The following TPST1 variants were observed in gnomAD, a reference collection of about 807,000 sequenced individuals.
The protein encoded by TPST1 is protein-tyrosine sulfotransferase 1.
TPST1 carries 20 observed loss-of-function variants against 34.8 expected under a neutral mutation model. That is an observed-to-expected ratio of 0.57 (90% CI 0.40 to 0.84). The LOEUF (loss-of-function observed/expected upper bound fraction) is 0.84, where lower values mean the gene tolerates loss of function less well. TPST1 is among the 40% of genes least tolerant of loss of function. The probability of loss-of-function intolerance (pLI) is 0.00; values close to 1 mark genes in which losing one functional copy is unlikely to be tolerated. For missense variants in TPST1, 353 were observed against 455.5 expected, an observed-to-expected ratio of 0.78 and a Z score of 2.05; for synonymous variants, 152 against 159.4, an observed-to-expected ratio of 0.95 and a Z score of 0.35.
At position 66,274,096 on chromosome 7, in the gene TPST1, C is replaced by T. The variant is rs190108798; in HGVS notation, c.846-12415C>T. Reference sequence around the variant, plus strand: ...AAGAGACCCACCTTCCAGCTGGGCACGGTGGCTGACGCCTGTAATCCCAGC... The same window carrying T: ...AAGAGACCCACCTTCCAGCTGGGCATGGTGGCTGACGCCTGTAATCCCAGC... On this transcript the variant is annotated intron_variant, in intron 2 of 5. Transcript: ENST00000304842. Among the ~76,000 whole-genome samples, 25 of 151,768 alleles carry T rather than the reference C, an allele frequency of 1.6e-4. No homozygotes were observed. In the South Asian group the frequency reaches 1.7e-3, roughly 10 times the overall value.
At chr7:66,217,136 A>G (rs1789439252) in intron 1 of TPST1, among the ~76,000 whole-genome samples, 1 of 152,194 alleles carries the variant, frequency 6.6e-6, no homozygotes, top group African/African-American at 2.4e-5. Context: ...AGAAAGTTCC[A>G]TGTCATTTGA....
chr7:66,264,038 A>G (rs1312844308), intron 2 of TPST1, among the ~76,000 whole-genome samples: 1 of 152,130 alleles, frequency 6.6e-6, no homozygotes, highest in East Asian at 1.9e-4. Context: ...TACTGGAGGG[A>G]GCAGAACAGA....
At position 66,322,231 on chromosome 7, in the gene TPST1, C is replaced by A. The variant is rs183156985; in HGVS notation, c.1045-30274C>A. Among the ~76,000 whole-genome samples, 276 of 152,238 alleles carry A rather than the reference C, an allele frequency of 1.8e-3. 1 individual carries two copies. Among genetic ancestry groups the A allele is most frequent in the African/African-American group, 6.3e-3 (261 of 41,560 alleles). On this transcript the variant is annotated intron_variant, in intron 3 of 5. Coordinates refer to ENST00000304842, the MANE Select transcript of TPST1 (RefSeq NM_003596.4). Reference sequence around the variant, plus strand: ...TCTGTAACCTGCCTGGAATTGATTTCTTTTCATTGTGGTAAGAAACACATG... The same window carrying A: ...TCTGTAACCTGCCTGGAATTGATTTATTTTCATTGTGGTAAGAAACACATG...
At chr7:66,238,405 T>G (rs1789955301) in intron 1 of TPST1, among the ~76,000 whole-genome samples, 1 of 145,208 alleles carries the variant, frequency 6.9e-6, no homozygotes, top group African/African-American at 2.5e-5. Context: ...ATAACAGCAC[T>G]GGCTTTTTTT....
At chr7:66,278,588 T>C (rs565764206) in intron 2 of TPST1, among the ~76,000 whole-genome samples, 1 of 152,020 alleles carries the variant, frequency 6.6e-6, no homozygotes, top group African/African-American at 2.4e-5. Flanking sequence ...ATTGAGACCA[T>C]CCTAGCTAAC....
rs1049613973 is a variant in TPST1, at chr7:66,325,501, C to T, written c.1045-27004C>T. ...ATTTTTTTAAGTTTCCCCCCTCCCC[C>T]CAAGACAGGGTTTCCCAATGTTGCC... On this transcript the variant is annotated intron_variant, in intron 3 of 5. Coordinates refer to ENST00000304842, the MANE Select transcript of TPST1 (RefSeq NM_003596.4). Among the ~76,000 whole-genome samples, 9 of 151,974 alleles carry T rather than the reference C, an allele frequency of 5.9e-5. No homozygotes were observed. The East Asian group carries it at 1.2e-3, about 20-fold the overall frequency.
At position 66,225,786 on chromosome 7, in the gene TPST1, G is replaced by C. The variant is rs115932285; in HGVS notation, c.-101-14539G>C. ...AAAGGACTACCTTTTTTTAGAATTT[G>C]AGAAGAATTAGTATGAAGGTGTGAG... is the stretch of plus-strand genomic sequence containing the variant. On this transcript the variant is annotated intron_variant, in intron 1 of 5. Coordinates refer to ENST00000304842, the MANE Select transcript of TPST1 (RefSeq NM_003596.4). Among the ~76,000 whole-genome samples the C allele has an allele frequency of 1.9e-3, 293 of 152,312 alleles. 1 individual carries two copies. The highest frequency in any genetic ancestry group is 7.0e-3 in the African/African-American group (290 of 41,584).
upstream of TPST1, among the ~76,000 whole-genome samples, chr7:66,200,779 T>G (rs1381356756): frequency 4.6e-5 from 7 of 151,598 alleles, no homozygotes. Context: ...CAGGCTGGAG[T>G]GCAGTTGCAC....
chr7:66,313,003 C>A (rs1447997903), intron 3 of TPST1, among the ~76,000 whole-genome samples: 1 of 150,464 alleles, frequency 6.6e-6, no homozygotes, highest in East Asian at 1.9e-4. Context: ...ATTATGAAAA[C>A]GTGTCTGTAC....
chr7:66,314,725 G>A (rs1405549444), intron 3 of TPST1, among the ~76,000 whole-genome samples: 1 of 152,166 alleles, frequency 6.6e-6, no homozygotes, highest in African/African-American at 2.4e-5. Flanking sequence ...TTAGCCTATT[G>A]TTCTTAGGCT....
chr7:66,323,123 G>T (rs1791791160), intron 3 of TPST1, among the ~76,000 whole-genome samples: 1 of 152,104 alleles, frequency 6.6e-6, no homozygotes, highest in African/African-American at 2.4e-5. Flanking sequence ...GCTGTGAATT[G>T]TAGAAGTTCT....
intron 2 of TPST1, among the ~76,000 whole-genome samples, chr7:66,273,972 TTTG>T (rs910105456): frequency 1.3e-4 from 20 of 151,972 alleles, no homozygotes; most frequent in African/African-American, 4.8e-4. Context: ...CCAACTAATT[TTTG>T]TTGTTGTTTT....
At chr7:66,357,885 A>G (rs1359763238) in intron 5 of TPST1, among the ~76,000 whole-genome samples, 2 of 152,190 alleles carry the variant, frequency 1.3e-5, no homozygotes, top group Non-Finnish European at 2.9e-5. Context: ...GGAGTTCGAG[A>G]CCAGCCTGGC....
rs144676928 is a variant in TPST1, at chr7:66,206,633, C to T, written c.-102+1111C>T. On this transcript the variant is annotated intron_variant, in intron 1 of 5. Transcript: ENST00000304842. The stretch of plus-strand genomic sequence containing the variant: ...TTAGGCTGCTAGTCAGCAGGCTTTG[C>T]GGTGTAATTACTCCCCATCCCCTCT... Among the ~76,000 whole-genome samples, 23 of 152,258 alleles carry T rather than the reference C, an allele frequency of 1.5e-4. No homozygotes were observed. The East Asian group carries it at 2.5e-3, about 17-fold the overall frequency.
upstream of TPST1, among the ~76,000 whole-genome samples, chr7:66,203,206 A>AACAC (rs761811361): frequency 6.5e-4 from 97 of 149,206 alleles, no homozygotes; most frequent in Admixed American, 2.1e-3. Context: ...TATACACACA[A>AACAC]ACACACACAC....
At chr7:66,263,935 A>G (rs1474131894) in intron 2 of TPST1, among the ~76,000 whole-genome samples, 2 of 152,192 alleles carry the variant, frequency 1.3e-5, no homozygotes, top group Admixed American at 1.3e-4. Context: ...TTCACAAAAA[A>G]TGGCTGAATC....
At chr7:66,270,100 G>A (rs2115792946) in intron 2 of TPST1, among the ~76,000 whole-genome samples, 1 of 152,258 alleles carries the variant, frequency 6.6e-6, no homozygotes, top group Non-Finnish European at 1.5e-5. Context: ...CAAAGGAGGT[G>A]AGGGAGTTAG....
chr7:66,201,257 A>C (rs1410191160), upstream of TPST1, among the ~76,000 whole-genome samples: 1 of 151,938 alleles, frequency 6.6e-6, no homozygotes, highest in Non-Finnish European at 1.5e-5. Context: ...TAAATAGGTA[A>C]TCCAGGCCAG....
Position 66,356,433 on chromosome 7 carries a change from G to A in TPST1, c.1096-392G>A, listed in dbSNP as rs551357057. ...TTATGCAGGCAAGATTGATCAAATC[G>A]TTGGTCATGTGTTAGAACTCAATCT... On this transcript the variant is annotated intron_variant, in intron 4 of 5. Transcript: ENST00000304842. Among the ~76,000 whole-genome samples the A allele has an allele frequency of 1.1e-4, 17 of 152,298 alleles. No homozygotes were observed. In the South Asian group the frequency reaches 2.3e-3, roughly 20 times the overall value.
Sources: allele counts gnomAD v4.1 joint callset (sites outside exome capture counted in the v4.1 genomes callset), GRCh38; gene constraint gnomAD v4.1.1; transcripts MANE v1.5; gene names NCBI Gene and HGNC (gene_info 2026-07-23, HGNC 2026-07-21).